The following NEFM variants were observed in gnomAD, a reference collection of about 807,000 sequenced individuals.
NEFM encodes the protein neurofilament medium chain.
NEFM carries 16 observed loss-of-function variants against 48.1 expected under a neutral mutation model. That is an observed-to-expected ratio of 0.33 (90% CI 0.23 to 0.51). NEFM has a LOEUF of 0.51. Among genes scored for constraint, NEFM ranks in the 20% least tolerant of loss-of-function variants. NEFM has a pLI of 0.98. For missense variants in NEFM, 1,107 were observed against 1,136.0 expected (o/e 0.97, Z 0.37); for synonymous variants, 465 against 456.9 (o/e 1.02, Z -0.23).
rs1586109109 is a variant in NEFM at position 24,917,351 on chromosome 8, C to T, written c.1496C>T (p.Pro499Leu). Residue 499 changes from proline to leucine, a missense_variant, in exon 3 of 3, where the codon CCC becomes CTC. This residue lies in a region of NEFM where 917 missense variants were observed against 916.4 expected (regional missense o/e 1.00). Coordinates refer to ENST00000221166, the MANE Select transcript of NEFM (RefSeq NM_005382.2). The part of the protein sequence containing the change: ...KEAAEEKEEE[P>L]EAEEEEVAAK... ...GCAGCAGAAGAAAAGGAAGAGGAAC[C>T]CGAAGCTGAAGAAGAAGAAGTAGCT... 2 of 1,606,694 alleles carry T rather than the reference C, an allele frequency of 1.2e-6. No homozygotes were observed. The highest frequency in any genetic ancestry group is 1.7e-6 in the Non-Finnish European group (2 of 1,176,164).
chr8:24,917,360 A>C lies in NEFM; in HGVS notation c.1505A>C (p.Glu502Ala), dbSNP rs148424557. 7 of 1,598,550 alleles carry C rather than the reference A, an allele frequency of 4.4e-6. No individual in the cohort carries two copies. The highest frequency in any genetic ancestry group is 6.0e-6 in the Non-Finnish European group (7 of 1,171,694). ...AEEKEEEPEA[E>A]EEEVAAKKSP... ...GAAAAGGAAGAGGAACCCGAAGCTG[A>C]AGAAGAAGAAGTAGCTGCCAAAAAG... The change falls in exon 3 of 3, where the codon GAA becomes GCA. Residue 502 changes from glutamate to alanine, a missense_variant. Around this residue, in one of 3 missense-constraint regions of NEFM, gnomAD observed 917 missense variants for 916.4 expected, o/e 1.00. Coordinates refer to ENST00000221166, the MANE Select transcript of NEFM (RefSeq NM_005382.2).
Position 24,914,164 on chromosome 8 carries a change from A to G in NEFM, c.371A>G (p.Gln124Arg). ...GYIEKVHYLEQQNKEIEAEIQ... is the reference protein window; with the variant it reads ...GYIEKVHYLERQNKEIEAEIQ... Reference sequence around the variant, plus strand: ...ATAGAGAAGGTGCACTACCTGGAGCAGCAGAATAAGGAGATTGAGGCGGAG... The same window carrying G: ...ATAGAGAAGGTGCACTACCTGGAGCGGCAGAATAAGGAGATTGAGGCGGAG... Residue 124 changes from glutamine (Q) to arginine (R), a missense_variant, in exon 1 of 3, where the codon CAG (glutamine) becomes CGG (arginine). Transcript: ENST00000221166. 6.2e-7 allele frequency: 1 copy of G among 1,612,796 alleles called. No individual in the cohort carries two copies. Among genetic ancestry groups the G allele is most frequent in the Non-Finnish European group, 8.5e-7 (1 of 1,179,718 alleles).
intron 1 of NEFM, chr8:24,915,092 G>C: frequency 7.3e-7 from 1 of 1,367,434 alleles, no homozygotes; most frequent in Non-Finnish European, 9.4e-7. Context: ...TAAGGGTCTT[G>C]ACCTTTTTCA....
rs1802592212 is a variant in NEFM, at chr8:24,917,411, A to C, written c.1556A>C (p.Glu519Ala). 6.4e-7 allele frequency: 1 copy of C among 1,562,448 alleles called. No homozygotes were observed. The highest frequency in any genetic ancestry group is 8.7e-7 in the Non-Finnish European group (1 of 1,153,008). The change falls in exon 3 of 3, where the codon GAA becomes GCA. Residue 519 changes from glutamate (E) to alanine (A), a missense_variant. This residue lies in a region of NEFM where 917 missense variants were observed against 916.4 expected (regional missense o/e 1.00). Transcript: ENST00000221166. The part of the protein sequence containing the change: ...KKSPVKATAP[E>A]VKEEEGEKEE... ...TCTCCAGTGAAAGCAACTGCACCTG[A>C]AGTTAAAGAAGAGGAAGGGGAAAAG...
intron 2 of NEFM, 60 bp downstream of exon 2, chr8:24,915,789 C>G: frequency 6.2e-7 from 1 of 1,611,700 alleles, no homozygotes; most frequent in Non-Finnish European, 8.5e-7. Context: ...GCTGTTCCGG[C>G]AGAGCTTCCA....
Position 24,913,980 on chromosome 8 carries a change from T to C in NEFM, c.187T>C (p.Tyr63His), listed in dbSNP as rs749163652. ...KRSMLAPRLA[Y>H]SSAMLSSAES... is the part of the protein sequence containing the mutation. ...CAGCATGCTCGCCCCGCGCCTCGCT[T>C]ACAGCTCGGCCATGCTCAGCTCCGC... is the stretch of plus-strand genomic sequence containing the variant. The change falls in exon 1 of 3, where the codon TAC becomes CAC. Residue 63 changes from tyrosine (Y) to histidine (H), a missense_variant. By Grantham distance (83) the Tyr-to-His change is moderately conservative. Transcript: ENST00000221166. 2 of 1,611,178 alleles carry C rather than the reference T, an allele frequency of 1.2e-6. No individual in the cohort carries two copies. The highest frequency in any genetic ancestry group is 1.3e-5 in the African/African-American group (1 of 75,030).
rs1802594973 is a variant in NEFM at position 24,917,538 on chromosome 8, A to C, written c.1683A>C (p.Lys561Asn). 1 of 1,561,264 alleles carries C rather than the reference A, an allele frequency of 6.4e-7. No individual in the cohort carries two copies. The highest frequency in any genetic ancestry group is 1.4e-5 in the African/African-American group (1 of 73,400). Residue 561 changes from lysine (K) to asparagine (N), a missense_variant, in exon 3 of 3, where the codon AAA (lysine) becomes AAC (asparagine). Around this residue, in one of 3 missense-constraint regions of NEFM, gnomAD observed 917 missense variants for 916.4 expected, o/e 1.00. Coordinates refer to ENST00000221166, the MANE Select transcript of NEFM (RefSeq NM_005382.2). ...GGSEKEGSSE[K>N]EEGEQEEGET... ...CCGAGAAGGAAGGCTCTAGTGAAAA[A>C]GAGGAAGGTGAGCAGGAAGAAGGAG...
rs554265697 is a variant in NEFM at position 24,917,510 on chromosome 8, G to A, written c.1655G>A (p.Gly552Glu). 2 of 1,555,296 alleles carry A rather than the reference G, an allele frequency of 1.3e-6. No homozygotes were observed. Among genetic ancestry groups the A allele is most frequent in the East Asian group, 4.9e-5 (2 of 41,080 alleles). ...AAGTCAGACCAAGCCGAAGAGGGAG[G>A]ATCCGAGAAGGAAGGCTCTAGTGAA... ...GAKSDQAEEG[G>E]SEKEGSSEKE... The change falls in exon 3 of 3, where the codon GGA becomes GAA. Residue 552 changes from glycine to glutamate, a missense_variant. Physicochemically the swap from Gly to Glu is moderately conservative, Grantham distance 98. Coordinates refer to ENST00000221166, the MANE Select transcript of NEFM (RefSeq NM_005382.2).
At chr8:24,916,323 C>T (rs1215639400) in intron 2 of NEFM, among the ~76,000 whole-genome samples, 1 of 152,062 alleles carries the variant, frequency 6.6e-6, no homozygotes, top group Non-Finnish European at 1.5e-5. Context: ...CACATATGTG[C>T]ATATGCATAT....
At position 24,913,875 on chromosome 8, in the gene NEFM, A is replaced by G. The variant is rs561977124; in HGVS notation, c.82A>G (p.Ser28Gly). The G allele has an allele frequency of 1.9e-6, 3 of 1,610,394 alleles. No homozygotes were observed. In the South Asian group the frequency reaches 3.3e-5, roughly 18 times the overall value. Residue 28 changes from serine to glycine, a missense_variant, in exon 1 of 3, where the codon AGC becomes GGC. Ser to Gly is a moderately conservative substitution (Grantham distance 56). Transcript: ENST00000221166. The part of the protein sequence containing the change: ...TETRSSFSRV[S>G]GSPSSGFRSQ... ...GACCCGCTCGAGCTTCAGCCGCGTC[A>G]GCGGCTCCCCGTCCAGTGGCTTCCG...
At chr8:24,915,298 G>A in intron 1 of NEFM, 1 of 1,297,266 alleles carries the variant, frequency 7.7e-7, no homozygotes, top group Non-Finnish European at 9.8e-7. Context: ...GAATGGCCAG[G>A]TCAGCCATGG....
At position 24,913,906 on chromosome 8, in the gene NEFM, A is replaced by G. The variant is rs1179581271; in HGVS notation, c.113A>G (p.Gln38Arg). Reference sequence around the variant, plus strand: ...TCCCCGTCCAGTGGCTTCCGCTCGCAGTCGTGGTCCCGCGGCTCGCCCAGC... The same window carrying G: ...TCCCCGTCCAGTGGCTTCCGCTCGCGGTCGTGGTCCCGCGGCTCGCCCAGC... ...SGSPSSGFRS[Q>R]SWSRGSPSTV... Residue 38 changes from glutamine to arginine, a missense_variant, in exon 1 of 3, where the codon CAG becomes CGG. Gln to Arg is a conservative substitution (Grantham distance 43, BLOSUM62 1). Transcript: ENST00000221166. The G allele has an allele frequency of 1.2e-6, 2 of 1,610,634 alleles. No homozygotes were observed. The highest frequency in any genetic ancestry group is 1.7e-6 in the Non-Finnish European group (2 of 1,179,066).
At position 24,914,984 on chromosome 8, in the gene NEFM, G is replaced by C. The variant is rs1000936027; in HGVS notation, c.1080+111G>C. On this transcript the variant is annotated intron_variant, in intron 1 of 2. Coordinates refer to ENST00000221166, the MANE Select transcript of NEFM (RefSeq NM_005382.2). ...CCGCCGCGCTCCCTGGTGGCCGCTC[G>C]CTAGAGCACGCGCGCCGCAGACCTA... The C allele has an allele frequency of 2.7e-5, 38 of 1,419,794 alleles. No homozygotes were observed. The African/African-American group carries it at 4.8e-4, about 18-fold the overall frequency. 87.9% of individuals were successfully genotyped at this position (1,419,794 alleles called of 1,614,324 possible).
Position 24,914,558 on chromosome 8 carries a change from G to A in NEFM, c.765G>A (p.Thr255=). ...CCCAGATCCAGGCATCGCACATCAC[G>A]GTGGAGCGCAAAGACTACCTGAAGA... ...LLAQIQASHI[T]VERKDYLKTD... Residue 255 remains threonine (T), a synonymous_variant, in exon 1 of 3, where the codon ACG becomes ACA. Coordinates refer to ENST00000221166, the MANE Select transcript of NEFM (RefSeq NM_005382.2). The A allele has an allele frequency of 6.2e-7, 1 of 1,614,206 alleles. No homozygotes were observed. The highest frequency in any genetic ancestry group is 1.1e-5 in the South Asian group (1 of 91,088).
Position 24,917,229 on chromosome 8 carries a change from G to A in NEFM, c.1374G>A (p.Glu458=). 3 of 1,614,090 alleles carry A rather than the reference G, an allele frequency of 1.9e-6. No homozygotes were observed. Among genetic ancestry groups the A allele is most frequent in the Non-Finnish European group, 2.5e-6 (3 of 1,180,038 alleles). Reference sequence around the variant, plus strand: ...ACAAATTTGTCGAGGAGATCATAGAGGAAACCAAAGTGGAGGATGAGAAGT... The same window carrying A: ...ACAAATTTGTCGAGGAGATCATAGAAGAAACCAAAGTGGAGGATGAGAAGT... ...VQHKFVEEII[E]ETKVEDEKSE... The change falls in exon 3 of 3, where the codon GAG becomes GAA. Residue 458 remains glutamate, a synonymous_variant. Transcript: ENST00000221166.
intron 1 of NEFM, chr8:24,915,243 C>G: frequency 1.6e-6 from 2 of 1,266,996 alleles, no homozygotes; most frequent in Non-Finnish European, 2.0e-6. Context: ...CGGCAGTGAT[C>G]GGAAGAGCTC....
chr8:24,915,215 G>A lies in NEFM; in HGVS notation c.1080+342G>A, dbSNP rs984745234. ...TTTAGGATAGCTTATGCAGAAACGC[G>A]TGTATTCTCTACTTTTCCGGCAGTG... On this transcript the variant is annotated intron_variant, in intron 1 of 2. Coordinates refer to ENST00000221166, the MANE Select transcript of NEFM (RefSeq NM_005382.2). 3 of 1,285,424 alleles carry A rather than the reference G, an allele frequency of 2.3e-6. No homozygotes were observed. In the African/African-American group the frequency reaches 4.5e-5, roughly 19 times the overall value. The allele number at this position is 1,285,424 out of a possible 1,614,324, so 79.6% of individuals were successfully genotyped here.
In NEFM at chr8:24,914,836, T is replaced by C. The variant is rs746937678; in HGVS notation, c.1043T>C (p.Ile348Thr). 3.8e-6 allele frequency: 6 copies of C among 1,598,060 alleles called. No individual in the cohort carries two copies. In the Admixed American group the frequency reaches 8.7e-5, roughly 23 times the overall value. ...KESLERQLSD[I>T]EERHNHDLSS... ...TCCCTGGAGCGGCAGCTCAGCGACA[T>C]CGAGGAGCGCCACAACCACGACCTC... Residue 348 changes from isoleucine to threonine, a missense_variant, in exon 1 of 3, where the codon ATC (isoleucine) becomes ACC (threonine). By Grantham distance (89) the Ile-to-Thr change is moderately conservative (BLOSUM62 -1). Transcript: ENST00000221166.
chr8:24,915,715 A>T lies in NEFM; in HGVS notation c.1191A>T (p.Glu397Asp), dbSNP rs1171214904. Residue 397 changes from glutamate (E) to aspartate (D), a missense_variant, in exon 2 of 3, where the codon GAA becomes GAT. By Grantham distance (45) the Glu-to-Asp change is conservative. Transcript: ENST00000221166. Reference protein sequence around the residue: ...LLNVKMALDIEIAAYRKLLEG... With the variant: ...LLNVKMALDIDIAAYRKLLEG... ...ACGTCAAGATGGCTCTGGATATAGAAATCGCTGCGTACAGGTACGATGCTT... is the reference window on the plus strand; with the variant it reads ...ACGTCAAGATGGCTCTGGATATAGATATCGCTGCGTACAGGTACGATGCTT... 2.5e-6 allele frequency: 4 copies of T among 1,614,038 alleles called. No individual in the cohort carries two copies. Among genetic ancestry groups the T allele is most frequent in the Non-Finnish European group, 3.4e-6 (4 of 1,179,990 alleles).
Sources: gnomAD v4.1 joint callset for allele counts (sites outside exome capture counted in the v4.1 genomes callset) on GRCh38, gnomAD v4.1.1 for gene constraint, gnomAD v4.1.1 regional missense constraint, MANE v1.5 for transcripts, NCBI Gene and HGNC (gene_info 2026-07-23, HGNC 2026-07-21) for gene names.